MYO18B: variants seen among roughly 807,000 people sequenced by gnomAD.
MYO18B encodes the protein unconventional myosin-XVIIIb.
MYO18B carries 204 observed loss-of-function variants against 273.0 expected under a neutral mutation model. The observed-to-expected ratio is 0.75, with a 90% confidence interval of 0.67 to 0.84. The LOEUF (loss-of-function observed/expected upper bound fraction) is 0.84, where lower values mean the gene tolerates loss of function less well. MYO18B is among the 40% of genes least tolerant of loss of function. MYO18B has a pLI of 0.00. For missense variants in MYO18B, 3,212 were observed against 3,287.6 expected, an observed-to-expected ratio of 0.98 and a Z score of 0.56; for synonymous variants, 1,330 against 1,305.7, an observed-to-expected ratio of 1.02 and a Z score of -0.40.
At chr22:25,778,520 C>A (rs1384803577) in intron 8 of MYO18B, among the ~76,000 whole-genome samples, 1 of 152,124 alleles carries the variant, frequency 6.6e-6, no homozygotes, top group African/African-American at 2.4e-5. Flanking sequence ...CACTCTCTCA[C>A]CCAGGCTGGA....
chr22:26,053,059 G>A, the MYO18B span, among the ~76,000 whole-genome samples: 1 of 151,906 alleles, frequency 6.6e-6, no homozygotes, highest in Non-Finnish European at 1.5e-5. Context: ...CACCCGCCTC[G>A]AACTCCCAAA....
In MYO18B at chr22:25,792,551, A is replaced by G. The variant is rs2087725293; in HGVS notation, c.2377-5402A>G. Reference sequence around the variant, plus strand: ...GGCTCTGTGCCCAGGCTGGAGTGCAATGGCGCGGTCTCGGCTCACTGCAAC... The same window carrying G: ...GGCTCTGTGCCCAGGCTGGAGTGCAGTGGCGCGGTCTCGGCTCACTGCAAC... On this transcript the variant is annotated intron_variant, in intron 11 of 43. Transcript: ENST00000335473. Among the ~76,000 whole-genome samples the G allele has an allele frequency of 2.3e-5, 3 of 132,382 alleles. No homozygotes were observed. In the South Asian group the frequency reaches 7.2e-4, roughly 32 times the overall value. 86.8% of individuals were successfully genotyped at this position (132,382 alleles called of 152,430 possible). A position where few individuals can be genotyped will look rare whatever the true frequency, so the allele number is the denominator to read the frequency against.
At chr22:25,798,963 G>A (rs1256029981) in intron 12 of MYO18B, among the ~76,000 whole-genome samples, 1 of 151,984 alleles carries the variant, frequency 6.6e-6, no homozygotes, top group Non-Finnish European at 1.5e-5. Flanking sequence ...GTGTCTGCTT[G>A]CGATTTTCCC....
intron 25 of MYO18B, among the ~76,000 whole-genome samples, chr22:25,887,896 A>G (rs2091548799): frequency 6.6e-6 from 1 of 152,226 alleles, no homozygotes; most frequent in South Asian, 2.1e-4. Context: ...GTTAGCATAA[A>G]TTAAATTTCA....
chr22:25,840,090 C>T (rs1043413444), intron 17 of MYO18B, among the ~76,000 whole-genome samples: 7 of 152,330 alleles, frequency 4.6e-5, no homozygotes, highest in Non-Finnish European at 7.3e-5. Flanking sequence ...GGGCCCTTGC[C>T]AGCTCTGTGA....
chr22:25,951,974 C>G (rs1195574573), intron 37 of MYO18B, among the ~76,000 whole-genome samples: 5 of 152,174 alleles, frequency 3.3e-5, no homozygotes, highest in Admixed American at 3.3e-4. Context: ...AGCTTTGCTC[C>G]TTGATCAGAG....
At position 25,891,404 on chromosome 22, in the gene MYO18B, C is replaced by G. The variant is rs2091658150; in HGVS notation, c.4535C>G (p.Thr1512Ser). ...TTGAATGACTTGGAAAGGAATCCCA[C>G]TGGAGGAGGTGAGCAGCCTGGGACC... ...IQLNDLERNP[T>S]GGADEWQMRF... Residue 1512 changes from threonine (T) to serine (S), a missense_variant, in exon 27 of 44, where the codon ACT (threonine) becomes AGT (serine). Coordinates refer to ENST00000335473, the MANE Select transcript of MYO18B (RefSeq NM_032608.7). 6 of 1,575,386 alleles carry G rather than the reference C, an allele frequency of 3.8e-6. No individual in the cohort carries two copies. The highest frequency in any genetic ancestry group is 5.2e-6 in the Non-Finnish European group (6 of 1,158,882).
intron 34 of MYO18B, among the ~76,000 whole-genome samples, chr22:25,927,479 C>A (rs1317003518): frequency 6.6e-6 from 1 of 151,046 alleles, no homozygotes; most frequent in Non-Finnish European, 1.5e-5. Context: ...TTTGGTCAGA[C>A]CGGTTGATCT....
intron 43 of MYO18B, among the ~76,000 whole-genome samples, chr22:26,029,527 A>T (rs1347982844): frequency 6.6e-6 from 1 of 152,214 alleles, no homozygotes; most frequent in African/African-American, 2.4e-5. Context: ...AGTAAAGGGC[A>T]CACATCCATG....
At chr22:25,985,019 T>C (rs2093186130) in intron 39 of MYO18B, among the ~76,000 whole-genome samples, 1 of 152,118 alleles carries the variant, frequency 6.6e-6, no homozygotes, top group Non-Finnish European at 1.5e-5. Context: ...CCTTTAGAAA[T>C]TGTGAAGGCC....
chr22:25,921,125 A>T (rs2092333816), intron 33 of MYO18B, 132 bp from the exon 34 acceptor site: 2 of 862,578 alleles, frequency 2.3e-6, no homozygotes, highest in Non-Finnish European at 3.5e-6. Flanking sequence ...CGGAGAGGAG[A>T]ATGGTCTTGT....
chr22:25,904,621 C>A (rs1016716721), intron 31 of MYO18B, among the ~76,000 whole-genome samples: 2 of 152,196 alleles, frequency 1.3e-5, no homozygotes, highest in Non-Finnish European at 2.9e-5. Flanking sequence ...ATATCAAATA[C>A]TCTTGTACCA....
chr22:25,770,149 CT>C lies in MYO18B; in HGVS notation c.1553del (p.Leu518ArgfsTer13), dbSNP rs2086666502. 1 of 1,613,818 alleles carries C rather than the reference CT, an allele frequency of 6.2e-7. No individual in the cohort carries two copies. Among genetic ancestry groups the C allele is most frequent in the Admixed American group, 1.7e-5 (1 of 59,998 alleles). ...DRWYEAEKVW[L>X]AQKDGFTLAT... The stretch of plus-strand genomic sequence containing the variant: ...ATGGTATGAGGCAGAGAAAGTCTGG[CT>C]GGCTCAGAAGGATGGATTTACTCTT... On this transcript the variant is annotated frameshift_variant, in exon 5 of 44. Transcript: ENST00000335473. LOFTEE classifies it high-confidence loss of function.
Position 25,932,378 on chromosome 22 carries a change from C to T in MYO18B, c.5517+10969C>T, listed in dbSNP as rs2092515505. ...CTTCCCTTTCTTTCTTTCCTTCTTTCTCTTTTCTTTTCTTTTCTTTTTTCT... is the reference window on the plus strand; with the variant it reads ...CTTCCCTTTCTTTCTTTCCTTCTTTTTCTTTTCTTTTCTTTTCTTTTTTCT... On this transcript the variant is annotated intron_variant, in intron 34 of 43. Transcript: ENST00000335473. Among the ~76,000 whole-genome samples the T allele has an allele frequency of 2.7e-5, 4 of 149,508 alleles. No individual in the cohort carries two copies. The South Asian group carries it at 6.4e-4, about 24-fold the overall frequency.
chr22:25,992,622 C>T, intron 40 of MYO18B, 129 bp downstream of exon 40: 1 of 1,242,528 alleles, frequency 8.0e-7, no homozygotes, highest in Non-Finnish European at 1.1e-6. Context: ...GCTGGAGGCA[C>T]CCCTCGTTTA....
the MYO18B span, among the ~76,000 whole-genome samples, chr22:26,047,125 A>ATTTTT: frequency 7.4e-6 from 1 of 134,838 alleles, no homozygotes; most frequent in Admixed American, 7.4e-5. Flanking sequence ...TAGTTGGCCC[A>ATTTTT]TTTTTTTTTT....
chr22:25,884,508 G>T (rs1173663721), intron 25 of MYO18B, among the ~76,000 whole-genome samples: 1 of 152,198 alleles, frequency 6.6e-6, no homozygotes, highest in Non-Finnish European at 1.5e-5. Context: ...GTGGACAGTG[G>T]AAGAGACATG....
In MYO18B at chr22:26,026,691, G is replaced by T. The variant is rs766624714; in HGVS notation, c.6717G>T (p.Ser2239=). The change falls in exon 43 of 44, where the codon TCG becomes TCT. Residue 2239 remains serine, a synonymous_variant. Transcript: ENST00000335473. ...ASRSTNTSPL[S]REKLPSPSAA... ...GGAGTACAAATACATCCCCGCTGTC[G>T]AGGGAAAAGCTGCCCAGTCCTTCAG... The T allele has an allele frequency of 1.9e-6, 3 of 1,613,836 alleles. No individual in the cohort carries two copies. Among genetic ancestry groups the T allele is most frequent in the Non-Finnish European group, 1.7e-6 (2 of 1,179,872 alleles).
the MYO18B span, among the ~76,000 whole-genome samples, chr22:26,047,440 T>G: frequency 6.6e-6 from 1 of 152,182 alleles, no homozygotes; most frequent in African/African-American, 2.4e-5. Context: ...GGCCCATTTT[T>G]ATTGTATGTA....
Sources: allele counts gnomAD v4.1 joint callset (sites outside exome capture counted in the v4.1 genomes callset), GRCh38; gene constraint gnomAD v4.1.1; transcripts MANE v1.5; gene names NCBI Gene and HGNC (gene_info 2026-07-23, HGNC 2026-07-21).